TMEM67: variants seen among roughly 807,000 people sequenced by gnomAD.
TMEM67 encodes transmembrane protein 67.
A neutral mutation model predicts 136.6 loss-of-function variants in TMEM67; 124 were observed. The ratio of observed to expected loss-of-function variants is 0.91; its 90% confidence interval spans 0.78 to 1.05. The LOEUF (loss-of-function observed/expected upper bound fraction) is 1.05. Among genes scored for constraint, TMEM67 ranks in the 50% least tolerant of loss-of-function variants. The pLI is 0.00. For synonymous variants in TMEM67, 364 were observed against 390.5 expected (o/e 0.93, Z 0.80); for missense variants, 1,107 against 1,178.4 (o/e 0.94, Z 0.89).
Position 93,765,561 on chromosome 8 carries a change from T to C in TMEM67, c.577-11T>C. 1 of 1,610,220 alleles carries C rather than the reference T, an allele frequency of 6.2e-7. No individual in the cohort carries two copies. Among genetic ancestry groups the C allele is most frequent in the Middle Eastern group, 1.7e-4 (1 of 6,040 alleles). ...ATAAGCTTCTATTTTTTCCCTCATT[T>C]ATTTATGAAGACAGGGGGATTATGT... On this transcript the variant is annotated splice_polypyrimidine_tract_variant and intron_variant, in intron 5 of 27. Transcript: ENST00000453321.
chr8:93,796,006 G>A lies in TMEM67; in HGVS notation c.1860+19G>A, dbSNP rs373634556. ...TCTGAAGGTAAGTTTTAAAGGACAG[G>A]TTACCAAATTTAAAAGGCCTGCTAA... is the stretch of plus-strand genomic sequence containing the variant. On this transcript the variant is annotated intron_variant, in intron 18 of 27. Coordinates refer to ENST00000453321, the MANE Select transcript of TMEM67 (RefSeq NM_153704.6). 20 of 1,558,340 alleles carry A rather than the reference G, an allele frequency of 1.3e-5. No homozygotes were observed. The highest frequency in any genetic ancestry group is 6.8e-5 in the African/African-American group (5 of 73,634).
chr8:93,824,551 T>C, the TMEM67 span, among the ~76,000 whole-genome samples: 1 of 149,662 alleles, frequency 6.7e-6, no homozygotes, highest in African/African-American at 2.4e-5. Flanking sequence ...ATTTAATCAC[T>C]TTTTTTTTTC....
At chr8:93,804,945 G>T in intron 23 of TMEM67, 67 bp downstream of exon 23, 3 of 937,762 alleles carry the variant, frequency 3.2e-6, no homozygotes, top group South Asian at 1.4e-5. Context: ...TGCTGGATTT[G>T]TTTTAAAAAA....
intron 14 of TMEM67, among the ~76,000 whole-genome samples, chr8:93,789,820 C>T (rs1243787537): frequency 6.6e-6 from 1 of 151,848 alleles, no homozygotes. Context: ...CCTGCAATCC[C>T]AGCACTATGG....
Position 93,799,897 on chromosome 8 carries a change from G to A in TMEM67, c.2241+139G>A, listed in dbSNP as rs975755728. 29 of 629,426 alleles carry A rather than the reference G, an allele frequency of 4.6e-5. No homozygotes were observed. The African/African-American group carries it at 5.3e-4, about 12-fold the overall frequency. 39.0% of individuals were successfully genotyped at this position (629,426 alleles called of 1,614,324 possible). ...AAGGTGACAAGAACAATAGCTAATG[G>A]TCAGTTCTTTTTTTTTTTTTTTTTT... On this transcript the variant is annotated intron_variant, in intron 21 of 27. Transcript: ENST00000453321.
At chr8:93,832,355 G>A in the TMEM67 span, among the ~76,000 whole-genome samples, 4 of 152,194 alleles carry the variant, frequency 2.6e-5, no homozygotes, top group African/African-American at 4.8e-5. Context: ...CACTTCCATT[G>A]ATACAACCAC....
At chr8:93,799,861 GTAGCAGAAAGAAGGTGACAAGAACAA>G (rs1814791307) in intron 21 of TMEM67, 103 bp downstream of exon 21, 4 of 930,094 alleles carry the variant, frequency 4.3e-6, no homozygotes, top group Non-Finnish European at 6.8e-6. Flanking sequence ...CCTTCTTTCT[GTAGCAGAAAGAAGGTGACAAGAACAA>G]TAGCTAATGG....
At chr8:93,820,618 C>T (rs1809028159), downstream of TMEM67, among the ~76,000 whole-genome samples, 3 of 152,124 alleles carry the variant, frequency 2.0e-5, no homozygotes, top group Non-Finnish European at 4.4e-5. Flanking sequence ...TAAATTGTCT[C>T]ATCTGTAAAA....
At chr8:93,782,540 A>C in intron 11 of TMEM67, 80 bp downstream of exon 11, 1 of 1,085,696 alleles carries the variant, frequency 9.2e-7, no homozygotes, top group Non-Finnish European at 1.3e-6. Flanking sequence ...ATAATACTTA[A>C]ATTTTTGAGA....
At chr8:93,796,337 T>A (rs1251034145) in intron 18 of TMEM67, among the ~76,000 whole-genome samples, 1 of 152,212 alleles carries the variant, frequency 6.6e-6, no homozygotes, top group Non-Finnish European at 1.5e-5. Context: ...GGTACCACTC[T>A]GGATAAAGTG....
At chr8:93,769,311 G>T (rs1193645555) in intron 6 of TMEM67, among the ~76,000 whole-genome samples, 1 of 152,260 alleles carries the variant, frequency 6.6e-6, no homozygotes, top group Non-Finnish European at 1.5e-5. Flanking sequence ...TGAGGCAGAG[G>T]GTGGAGGAAG....
intron 10 of TMEM67, 136 bp downstream of exon 10, chr8:93,781,880 A>T: frequency 1.9e-6 from 1 of 534,174 alleles, no homozygotes; most frequent in Middle Eastern, 4.6e-4. Context: ...GCTTTAAATT[A>T]GACTTTCTTA....
At position 93,785,278 on chromosome 8, in the gene TMEM67, T is replaced by C; in HGVS notation, c.1188T>C (p.Asp396=). 1 of 1,603,384 alleles carries C rather than the reference T, an allele frequency of 6.2e-7. No homozygotes were observed. The highest frequency in any genetic ancestry group is 8.5e-7 in the Non-Finnish European group (1 of 1,170,788). Residue 396 remains aspartate, a synonymous_variant, in exon 12 of 28, where the codon GAT becomes GAC. Transcript: ENST00000453321. ...ACTTTCCCACTCCTATATTTTATGATGTGTACCTTGAATATACTGATGAAA... is the reference window on the plus strand; with the variant it reads ...ACTTTCCCACTCCTATATTTTATGACGTGTACCTTGAATATACTGATGAAA... ...LIDFPTPIFY[D]VYLEYTDENQ... is the part of the protein sequence containing the mutation.
Position 93,755,202 on chromosome 8 carries a change from C to G in TMEM67, c.223+65C>G, listed in dbSNP as rs146569149. 969 of 1,426,014 alleles carry G rather than the reference C, an allele frequency of 6.8e-4. 5 individuals are homozygous for G. In the African/African-American group the frequency reaches 8.6e-3, roughly 13 times the overall value. The allele number at this position is 1,426,014 out of a possible 1,614,324, so 88.3% of individuals were successfully genotyped here. ...CCCGCCTTGGTCGGCCCCTAGTCCC[C>G]GTAAATGGAGTTTCACCATGTTGAT... On this transcript the variant is annotated intron_variant, in intron 1 of 27. Transcript: ENST00000453321.
At position 93,816,527 on chromosome 8, in the gene TMEM67, A is replaced by G. The variant is rs767218402; in HGVS notation, c.*75A>G. The G allele has an allele frequency of 1.2e-6, 1 of 805,484 alleles. No homozygotes were observed. Among genetic ancestry groups the G allele is most frequent in the Non-Finnish European group, 2.1e-6 (1 of 473,060 alleles). The allele number at this position is 805,484 out of a possible 1,614,324, so 49.9% of individuals were successfully genotyped here. On this transcript the variant is annotated 3_prime_UTR_variant, in exon 28 of 28. Transcript: ENST00000453321. ...AGTCATGATATCAGGTTAGTTTGCC[A>G]TATTTTTTAAAACTTATAATGCAGA...
At chr8:93,756,014 G>A in intron 2 of TMEM67, 148 bp downstream of exon 2, 2 of 499,572 alleles carry the variant, frequency 4.0e-6, no homozygotes, top group Admixed American at 3.8e-5. Context: ...GTAAGTTTTG[G>A]GAGATCAGCG....
chr8:93,789,818 C>G (rs1383090429), intron 14 of TMEM67, among the ~76,000 whole-genome samples: 1 of 151,846 alleles, frequency 6.6e-6, no homozygotes, highest in Non-Finnish European at 1.5e-5. Flanking sequence ...TGCCTGCAAT[C>G]CCAGCACTAT....
chr8:93,762,442 C>T (rs1812888659), intron 3 of TMEM67, among the ~76,000 whole-genome samples: 2 of 150,786 alleles, frequency 1.3e-5, no homozygotes, highest in Admixed American at 6.6e-5. Flanking sequence ...AGCAGTCCTC[C>T]TGCCTTGACC....
intron 20 of TMEM67, among the ~76,000 whole-genome samples, chr8:93,798,459 AC>A (rs1430560599): frequency 6.6e-6 from 1 of 152,242 alleles, no homozygotes; most frequent in African/African-American, 2.4e-5. Context: ...AGCTGGGGCT[AC>A]ACTGAACAAA....
Sources: gnomAD v4.1 joint callset for allele counts (sites outside exome capture counted in the v4.1 genomes callset) on GRCh38, gnomAD v4.1.1 for gene constraint, MANE v1.5 for transcripts, NCBI Gene and HGNC (gene_info 2026-07-23, HGNC 2026-07-21) for gene names.